Variants in ALK observed in about 807,000 individuals in gnomAD.
ALK encodes ALK tyrosine kinase receptor.
A neutral mutation model predicts 163.1 loss-of-function variants in ALK; 74 were observed. That is an observed-to-expected ratio of 0.45 (90% CI 0.38 to 0.55). The LOEUF is 0.55. Ranked by LOEUF, ALK falls within the 20% of genes least tolerant of loss-of-function variation. The pLI, the probability that ALK is intolerant of heterozygous loss-of-function variation, is 0.00. For synonymous variants in ALK, 960 were observed against 843.2 expected (o/e 1.14, Z -2.40); for missense variants, 2,063 against 2,105.3 (o/e 0.98, Z 0.39).
rs190121162 is a variant in ALK, at chr2:29,608,119, G to A, written c.953-76003C>T. On this transcript the variant is annotated intron_variant, in intron 3 of 28. Transcript: ENST00000389048. ...TTCTGCTCAAATATCACATTAGTGAGGTTCTCTCTGACAACTCTCTATAAA... is the reference window on the plus strand; with the variant it reads ...TTCTGCTCAAATATCACATTAGTGAAGTTCTCTCTGACAACTCTCTATAAA... Among the ~76,000 whole-genome samples, 444 of 152,192 alleles carry A rather than the reference G, an allele frequency of 2.9e-3. 1 individual carries two copies. The highest frequency in any genetic ancestry group is 4.6e-3 in the Non-Finnish European group (312 of 68,010).
chr2:29,578,534 T>A (rs1173823206), intron 3 of ALK, among the ~76,000 whole-genome samples: 2 of 152,174 alleles, frequency 1.3e-5, no homozygotes, highest in African/African-American at 4.8e-5. Flanking sequence ...TGTGGAGTCC[T>A]AAGCTTGAGG....
At chr2:29,414,387 C>A (rs565850994) in intron 4 of ALK, among the ~76,000 whole-genome samples, 8 of 152,276 alleles carry the variant, frequency 5.3e-5, no homozygotes, top group African/African-American at 1.9e-4. Context: ...TTGAATGTAA[C>A]CTGACAGCCT....
At chr2:29,409,532 A>G (rs1669677513) in intron 4 of ALK, among the ~76,000 whole-genome samples, 1 of 152,096 alleles carries the variant, frequency 6.6e-6, no homozygotes, top group Non-Finnish European at 1.5e-5. Context: ...TCTATCCATT[A>G]TTCTACTTTC....
chr2:29,248,542 C>T (rs1217534633), intron 12 of ALK, among the ~76,000 whole-genome samples: 2 of 152,142 alleles, frequency 1.3e-5, no homozygotes, highest in East Asian at 3.9e-4. Flanking sequence ...TATCTTAGGC[C>T]AGACCAAAAT....
At chr2:29,647,144 AC>A (rs1179726827) in intron 3 of ALK, among the ~76,000 whole-genome samples, 1 of 152,186 alleles carries the variant, frequency 6.6e-6, no homozygotes, top group African/African-American at 2.4e-5. Context: ...TTTGAATACA[AC>A]TGCTCCTAGT....
chr2:29,717,479 A>C (rs1406543046), intron 2 of ALK, 99 bp downstream of exon 2: 1 of 1,423,672 alleles, frequency 7.0e-7, no homozygotes, highest in Non-Finnish European at 9.9e-7. Flanking sequence ...GAGCTGAGGG[A>C]ATGCCCTGGA....
chr2:29,239,626 C>A (rs1664469189), intron 13 of ALK, 54 bp downstream of exon 13: 2 of 1,608,428 alleles, frequency 1.2e-6, no homozygotes, highest in South Asian at 2.2e-5. Context: ...CTCCAAGAGG[C>A]CTTCCCGGGG....
intron 4 of ALK, among the ~76,000 whole-genome samples, chr2:29,484,547 T>C (rs1395863765): frequency 6.6e-6 from 1 of 152,168 alleles, no homozygotes; most frequent in Admixed American, 6.5e-5. Flanking sequence ...GTTTCATAAT[T>C]TTTAGATACC....
intron 3 of ALK, among the ~76,000 whole-genome samples, chr2:29,674,613 C>T (rs987993836): frequency 3.3e-5 from 5 of 151,448 alleles, no homozygotes; most frequent in Non-Finnish European, 5.9e-5. Flanking sequence ...CAATGTTCAT[C>T]AAGGATATTG....
In ALK at chr2:29,251,236, G is replaced by T. The variant is rs370435082; in HGVS notation, c.2073C>A (p.Ser691Arg). ...VHWLFTTCGA[S>R]GPHGPTQAQC... ...GTGCCTGGGTGGGGCCATGGGGCCC[G>T]CTGGCCCCACATGTGGTGAACAGCC... Residue 691 changes from serine (S) to arginine (R), a missense_variant, in exon 12 of 29, where the codon AGC becomes AGA. By Grantham distance (110) the Ser-to-Arg change is moderately radical. This residue lies in a region of ALK where 987 missense variants were observed against 939.5 expected (regional missense o/e 1.05). Coordinates refer to ENST00000389048, the MANE Select transcript of ALK (RefSeq NM_004304.5). 4 of 1,613,796 alleles carry T rather than the reference G, an allele frequency of 2.5e-6. No homozygotes were observed. The highest frequency in any genetic ancestry group is 2.2e-5 in the South Asian group (2 of 91,028).
chr2:29,506,619 G>A (rs937670580), intron 4 of ALK, among the ~76,000 whole-genome samples: 4 of 152,074 alleles, frequency 2.6e-5, no homozygotes, highest in Non-Finnish European at 4.4e-5. Flanking sequence ...GGTGGTGGGT[G>A]CCTGTAGTCC....
chr2:29,632,297 G>C (rs1676401923), intron 3 of ALK, among the ~76,000 whole-genome samples: 1 of 152,140 alleles, frequency 6.6e-6, no homozygotes, highest in Admixed American at 6.5e-5. Context: ...ATTATGGAGT[G>C]AATTGTGTCC....
At chr2:29,666,108 C>T (rs921574268) in intron 3 of ALK, among the ~76,000 whole-genome samples, 4 of 152,044 alleles carry the variant, frequency 2.6e-5, no homozygotes, top group African/African-American at 9.7e-5. Flanking sequence ...AAATCTTTTG[C>T]TGAAATCAAG....
At chr2:29,822,935 A>G (rs2148380164) in intron 1 of ALK, among the ~76,000 whole-genome samples, 1 of 152,346 alleles carries the variant, frequency 6.6e-6, no homozygotes, top group Middle Eastern at 3.4e-3. Flanking sequence ...GAGATATAAT[A>G]GAAAGATACT....
chr2:29,587,901 A>T (rs1674933708), intron 3 of ALK, among the ~76,000 whole-genome samples: 1 of 152,228 alleles, frequency 6.6e-6, no homozygotes, highest in African/African-American at 2.4e-5. Flanking sequence ...TGGGTAGAGT[A>T]GAGCTCTGTA....
At chr2:29,216,726 A>G (rs1371904578) in intron 23 of ALK, among the ~76,000 whole-genome samples, 3 of 144,544 alleles carry the variant, frequency 2.1e-5, no homozygotes, top group Non-Finnish European at 3.1e-5. Context: ...TGTGGTGTGT[A>G]TATGTGTTTG....
chr2:29,544,541 C>T (rs777616538), intron 3 of ALK, among the ~76,000 whole-genome samples: 14 of 152,004 alleles, frequency 9.2e-5, no homozygotes, highest in South Asian at 2.1e-4. Flanking sequence ...CTGCAAAGAC[C>T]GTTTGCAGAA....
At chr2:29,578,677 G>T (rs935483103) in intron 3 of ALK, among the ~76,000 whole-genome samples, 2 of 152,136 alleles carry the variant, frequency 1.3e-5, no homozygotes, top group Admixed American at 1.3e-4. Flanking sequence ...ATGATGAAGG[G>T]GTCACCCGGA....
intron 1 of ALK, among the ~76,000 whole-genome samples, chr2:29,853,127 T>G (rs376429381): frequency 1.2e-4 from 18 of 152,324 alleles, no homozygotes; most frequent in African/African-American, 4.3e-4. Flanking sequence ...CTGTTATTAT[T>G]AATATATGGG....
Sources: gnomAD v4.1 joint callset for allele counts (sites outside exome capture counted in the v4.1 genomes callset) on GRCh38, gnomAD v4.1.1 for gene constraint, gnomAD v4.1.1 regional missense constraint, MANE v1.5 for transcripts, NCBI Gene and HGNC (gene_info 2026-07-23, HGNC 2026-07-21) for gene names.